Variants in CTNNA2 observed in about 807,000 individuals in gnomAD.
The protein encoded by CTNNA2 is catenin alpha-2.
Under a neutral mutation model 101.0 loss-of-function variants are expected in CTNNA2, and 42 were observed. The observed-to-expected ratio is 0.42, with a 90% CI of 0.32 to 0.54. CTNNA2 has a LOEUF of 0.54. CTNNA2 is among the 20% of genes least tolerant of loss of function. The pLI is 0.14. For missense variants in CTNNA2, 871 were observed against 1,223.1 expected (o/e 0.71, Z 4.29); for synonymous variants, 450 against 456.4 (o/e 0.99, Z 0.18).
intron 4 of CTNNA2, among the ~76,000 whole-genome samples, chr2:79,420,196 G>A (rs192738612): frequency 6.6e-6 from 1 of 152,138 alleles, no homozygotes; most frequent in South Asian, 2.1e-4. Flanking sequence ...TAGAATACAA[G>A]GAAGTATAAA....
rs112144219 is a variant in CTNNA2, at chr2:79,441,808, G to A, written c.-134-63246G>A. Among the ~76,000 whole-genome samples the A allele has an allele frequency of 6.3e-4, 96 of 152,212 alleles. 2 individuals are homozygous for A. Among genetic ancestry groups the A allele is most frequent in the African/African-American group, 1.7e-4 (7 of 41,544 alleles). Reference sequence around the variant, plus strand: ...CATGACTATAATACACATGAAAACCGTCTCCAGCCTCTACTCCTCCCTCTA... The same window carrying A: ...CATGACTATAATACACATGAAAACCATCTCCAGCCTCTACTCCTCCCTCTA... On this transcript the variant is annotated intron_variant, in intron 4 of 21. Transcript: ENST00000466387.
intron 7 of CTNNA2, among the ~76,000 whole-genome samples, chr2:80,094,875 A>G (rs1700044648): frequency 6.6e-6 from 1 of 152,310 alleles, no homozygotes; most frequent in South Asian, 2.1e-4. Context: ...AGACTGCTGA[A>G]GTTGCTTATC....
intron 7 of CTNNA2, among the ~76,000 whole-genome samples, chr2:80,171,253 G>A (rs1330734964): frequency 6.6e-6 from 1 of 152,156 alleles, no homozygotes; most frequent in Non-Finnish European, 1.5e-5. Flanking sequence ...TGTCCTTAAG[G>A]CTCATGCAAT....
chr2:80,365,732 C>G (rs961573746), intron 7 of CTNNA2, among the ~76,000 whole-genome samples: 1 of 152,048 alleles, frequency 6.6e-6, no homozygotes, highest in African/African-American at 2.4e-5. Context: ...CTTACACTTA[C>G]CATTGTCATC....
At position 79,747,664 on chromosome 2, in the gene CTNNA2, C is replaced by T. The variant is rs1048814173; in HGVS notation, c.298+3082C>T. On this transcript the variant is annotated intron_variant, in intron 3 of 18. Coordinates refer to ENST00000402739, the MANE Select transcript of CTNNA2 (RefSeq NM_001282597.3). ...TGAAGCTTACATGAAATTGTGTTCTCGTGGATATAATACAATAAACAACAC... is the reference window on the plus strand; with the variant it reads ...TGAAGCTTACATGAAATTGTGTTCTTGTGGATATAATACAATAAACAACAC... Among the ~76,000 whole-genome samples the T allele has an allele frequency of 4.6e-5, 7 of 152,112 alleles. No homozygotes were observed. The South Asian group carries it at 8.3e-4, about 18-fold the overall frequency.
intron 4 of CTNNA2, among the ~76,000 whole-genome samples, chr2:79,440,096 C>T (rs1337675533): frequency 5.9e-5 from 9 of 151,984 alleles, no homozygotes; most frequent in African/African-American, 1.9e-4. Flanking sequence ...TGGTGGCACC[C>T]AGGACATTTT....
intron 7 of CTNNA2, among the ~76,000 whole-genome samples, chr2:80,323,887 A>G (rs991966819): frequency 3.9e-5 from 6 of 152,114 alleles, no homozygotes; most frequent in African/African-American, 1.2e-4. Flanking sequence ...AGAGTTCAGT[A>G]TGAAAAAACA....
chr2:80,244,474 T>C (rs1343471394), intron 7 of CTNNA2, among the ~76,000 whole-genome samples: 1 of 152,242 alleles, frequency 6.6e-6, no homozygotes, highest in Non-Finnish European at 1.5e-5. Context: ...GTTTTGTTCA[T>C]GGAGCAGATT....
intron 7 of CTNNA2, among the ~76,000 whole-genome samples, chr2:80,059,260 C>T (rs1019133746): frequency 2.6e-5 from 4 of 152,132 alleles, no homozygotes; most frequent in African/African-American, 9.7e-5. Context: ...GCAAGACTCT[C>T]ATACAGGGCA....
At chr2:79,502,148 T>C (rs552824131) in intron 4 of CTNNA2, among the ~76,000 whole-genome samples, 1 of 152,236 alleles carries the variant, frequency 6.6e-6, no homozygotes, top group African/African-American at 2.4e-5. Flanking sequence ...CAGGGAAATG[T>C]GACTTAAATA....
At chr2:80,504,578 C>T (rs979824352) in intron 9 of CTNNA2, among the ~76,000 whole-genome samples, 4 of 152,128 alleles carry the variant, frequency 2.6e-5, no homozygotes, top group African/African-American at 9.7e-5. Context: ...ATGAATGAAG[C>T]CAGAGAGAGC....
At chr2:79,429,017 C>T (rs1678623251) in intron 4 of CTNNA2, among the ~76,000 whole-genome samples, 1 of 152,120 alleles carries the variant, frequency 6.6e-6, no homozygotes, top group Non-Finnish European at 1.5e-5. Context: ...CCTGTGATTT[C>T]CTTTCCAGCT....
In CTNNA2 at chr2:80,302,290, A is replaced by G. The variant is rs754669657; in HGVS notation, c.1057-90921A>G. 2 of 1,613,900 alleles carry G rather than the reference A, an allele frequency of 1.2e-6. No homozygotes were observed. The highest frequency in any genetic ancestry group is 2.7e-5 in the African/African-American group (2 of 74,936). On this transcript the variant is annotated intron_variant, in intron 7 of 18. Transcript: ENST00000402739. The surrounding 1 kb of genome is among the most constrained non-coding windows in gnomAD (Gnocchi z 6.4). ...CCCTCGCGGGCTGCTGGTGGCAGGT[A>G]CACGAGCCATACTCGTTGATGATCA...
At chr2:79,724,681 C>G (rs1217015576) in intron 2 of CTNNA2, among the ~76,000 whole-genome samples, 2 of 151,412 alleles carry the variant, frequency 1.3e-5, no homozygotes, top group Admixed American at 6.6e-5. Flanking sequence ...TGGGTGTGGT[C>G]GTGGGCGCCT....
intron 3 of CTNNA2, among the ~76,000 whole-genome samples, chr2:79,748,455 A>G (rs563930946): frequency 2.0e-5 from 3 of 152,344 alleles, no homozygotes; most frequent in Admixed American, 1.3e-4. Context: ...TATTTATTAA[A>G]TGATATGTTG....
At chr2:80,044,741 C>G (rs936743812) in intron 7 of CTNNA2, among the ~76,000 whole-genome samples, 4 of 152,062 alleles carry the variant, frequency 2.6e-5, no homozygotes, top group African/African-American at 9.7e-5. Flanking sequence ...TGCACTATGT[C>G]TTGGTCATAT....
intron 2 of CTNNA2, among the ~76,000 whole-genome samples, chr2:79,271,590 G>C (rs1451948169): frequency 6.6e-6 from 1 of 152,028 alleles, no homozygotes; most frequent in African/African-American, 2.4e-5. Flanking sequence ...CTGGCTGTCT[G>C]AGTAGAGGAT....
chr2:80,507,184 C>T (rs1468921216), intron 9 of CTNNA2, among the ~76,000 whole-genome samples: 1 of 152,068 alleles, frequency 6.6e-6, no homozygotes, highest in East Asian at 1.9e-4. Context: ...ATAGTATGTA[C>T]CTCATAGGGT....
intron 18 of CTNNA2, among the ~76,000 whole-genome samples, chr2:80,627,868 C>G (rs116189298): frequency 3.9e-5 from 6 of 152,010 alleles, no homozygotes; most frequent in Admixed American, 6.6e-5. Context: ...TTTAGTCCAT[C>G]GTCTCAGCCC....
Sources: gnomAD v4.1 joint callset for allele counts (sites outside exome capture counted in the v4.1 genomes callset) on GRCh38, gnomAD v4.1.1 for gene constraint, Gnocchi (gnomAD v3.1) non-coding constraint, MANE v1.5 for transcripts, NCBI Gene and HGNC (gene_info 2026-07-23, HGNC 2026-07-21) for gene names.